Variants in PTPRG observed in about 807,000 individuals in gnomAD.
The protein encoded by PTPRG is protein tyrosine phosphatase receptor type G.
PTPRG carries 102 observed loss-of-function variants against 165.3 expected under a neutral mutation model. The ratio of observed to expected loss-of-function variants is 0.62; its 90% confidence interval spans 0.53 to 0.73. The LOEUF is 0.73. PTPRG is among the 30% of genes least tolerant of loss of function. The pLI, the probability that PTPRG is intolerant of heterozygous loss-of-function variation, is 0.00. For missense variants in PTPRG, 1,866 were observed against 1,861.4 expected (o/e 1.00, Z -0.05); for synonymous variants, 675 against 669.5 (o/e 1.01, Z -0.13).
intron 1 of PTPRG, among the ~76,000 whole-genome samples, chr3:61,741,791 T>C (rs767795208): frequency 6.6e-6 from 1 of 152,214 alleles, no homozygotes; most frequent in Admixed American, 6.5e-5. Flanking sequence ...TGTGGCCATG[T>C]ATCTTCTTTT....
At chr3:62,251,456 C>T (rs1701416783) in intron 15 of PTPRG, among the ~76,000 whole-genome samples, 1 of 152,066 alleles carries the variant, frequency 6.6e-6, no homozygotes, top group Non-Finnish European at 1.5e-5. Context: ...CAAGACCAGC[C>T]TGGGCAACAT....
chr3:61,768,835 C>T (rs2034117683), intron 2 of PTPRG, among the ~76,000 whole-genome samples: 1 of 152,190 alleles, frequency 6.6e-6, no homozygotes, highest in Non-Finnish European at 1.5e-5. Flanking sequence ...CCTGAGTTGG[C>T]TCAGTGTCTA....
intron 28 of PTPRG, among the ~76,000 whole-genome samples, chr3:62,284,913 C>T (rs1009364443): frequency 6.6e-6 from 1 of 152,130 alleles, no homozygotes; most frequent in Non-Finnish European, 1.5e-5. Context: ...GTACTTCCTG[C>T]ATGCCACCTT....
chr3:61,932,515 A>T (rs2039386410), intron 2 of PTPRG, among the ~76,000 whole-genome samples: 1 of 151,994 alleles, frequency 6.6e-6, no homozygotes, highest in Non-Finnish European at 1.5e-5. Context: ...GAATATAAAA[A>T]CCTCTAATAC....
chr3:61,919,837 C>T (rs886361418), intron 2 of PTPRG, among the ~76,000 whole-genome samples: 3 of 152,156 alleles, frequency 2.0e-5, no homozygotes, highest in African/African-American at 7.2e-5. Flanking sequence ...TCACCCTTAC[C>T]TCTGCAGCTA....
At chr3:61,596,761 G>A (rs1282151066) in intron 1 of PTPRG, among the ~76,000 whole-genome samples, 1 of 150,648 alleles carries the variant, frequency 6.6e-6, no homozygotes, top group African/African-American at 2.5e-5. Flanking sequence ...ATGAATATGA[G>A]TTTAGAGTCT....
At chr3:62,277,421 C>G (rs1702266395) in intron 25 of PTPRG, 130 bp from the exon 26 acceptor site, 1 of 1,051,034 alleles carries the variant, frequency 9.5e-7, no homozygotes, top group African/African-American at 1.6e-5. Context: ...GCCAAATGTA[C>G]CGAATGCCTT....
intron 3 of PTPRG, among the ~76,000 whole-genome samples, chr3:62,002,140 G>C (rs144774280): frequency 7.2e-5 from 11 of 152,304 alleles, no homozygotes; most frequent in Admixed American, 1.3e-4. Context: ...ATATGAGAAG[G>C]TTCCTTCACT....
intron 2 of PTPRG, among the ~76,000 whole-genome samples, chr3:61,964,437 A>C (rs187548894): frequency 6.6e-6 from 1 of 152,284 alleles, no homozygotes; most frequent in Admixed American, 6.5e-5. Context: ...TGGCATTGTC[A>C]CATGCATTTA....
chr3:61,858,122 G>T (rs760573014), intron 2 of PTPRG, among the ~76,000 whole-genome samples: 1 of 152,160 alleles, frequency 6.6e-6, no homozygotes, highest in Non-Finnish European at 1.5e-5. Context: ...TATTGTGGGC[G>T]TTGGAATAGT....
chr3:62,162,372 C>T lies in PTPRG; in HGVS notation c.840+5148C>T, dbSNP rs992490563. On this transcript the variant is annotated intron_variant, in intron 7 of 29. Transcript: ENST00000474889. ...AAGAAAGAAATGTTTTACACATTCA[C>T]TTCAAAAGTTTAAGAGTCAATTTAA... Among the ~76,000 whole-genome samples, 12 of 152,262 alleles carry T rather than the reference C, an allele frequency of 7.9e-5. No homozygotes were observed. The South Asian group carries it at 2.5e-3, about 32-fold the overall frequency.
rs745893766 is a variant in PTPRG at position 61,749,090 on chromosome 3, A to G, written c.190+108A>G. On this transcript the variant is annotated intron_variant, in intron 2 of 29. Transcript: ENST00000474889. ...TTTATGCCTGAGTTCTGTTTGCTCA[A>G]ATCTTTCGTAGTTCACTAAAAGTTG... 24 of 917,302 alleles carry G rather than the reference A, an allele frequency of 2.6e-5. 1 individual carries two copies. The highest frequency in any genetic ancestry group is 1.6e-4 in the East Asian group (6 of 38,326). 56.8% of individuals were successfully genotyped at this position (917,302 alleles called of 1,614,324 possible).
At chr3:62,123,078 A>T (rs1274100032) in intron 5 of PTPRG, among the ~76,000 whole-genome samples, 1 of 152,192 alleles carries the variant, frequency 6.6e-6, no homozygotes, top group East Asian at 1.9e-4. Flanking sequence ...AAAATAACAC[A>T]CATTTATCAT....
At chr3:62,070,948 G>GA (rs1243212491) in intron 4 of PTPRG, among the ~76,000 whole-genome samples, 2 of 145,590 alleles carry the variant, frequency 1.4e-5, no homozygotes, top group East Asian at 3.9e-4. Context: ...AAAAAAAAAA[G>GA]AAAAAAAAAG....
At chr3:62,102,621 A>T (rs1037817214) in intron 5 of PTPRG, among the ~76,000 whole-genome samples, 5 of 152,108 alleles carry the variant, frequency 3.3e-5, no homozygotes, top group Non-Finnish European at 1.5e-5. Context: ...GTCCATTTTG[A>T]GTGGGTATTT....
chr3:62,091,457 A>C (rs1701927086), intron 5 of PTPRG, among the ~76,000 whole-genome samples: 1 of 152,226 alleles, frequency 6.6e-6, no homozygotes. Flanking sequence ...GAGAGAGACA[A>C]GTAACACATT....
At chr3:61,755,204 C>T (rs559170833) in intron 2 of PTPRG, among the ~76,000 whole-genome samples, 1 of 152,244 alleles carries the variant, frequency 6.6e-6, no homozygotes, top group South Asian at 2.1e-4. Flanking sequence ...GTTGGGGTTT[C>T]GCCCTGTTAG....
chr3:61,637,887 C>G (rs933564631), intron 1 of PTPRG, among the ~76,000 whole-genome samples: 6 of 151,796 alleles, frequency 4.0e-5, no homozygotes, highest in Admixed American at 3.3e-4. Flanking sequence ...TGAGCATAGC[C>G]ATCTTACCAT....
intron 2 of PTPRG, among the ~76,000 whole-genome samples, chr3:61,945,335 G>T (rs1169620358): frequency 6.6e-6 from 1 of 151,954 alleles, no homozygotes; most frequent in African/African-American, 2.4e-5. Flanking sequence ...CAAGGTGGGC[G>T]GATCACCTGA....
Sources: allele counts gnomAD v4.1 joint callset (sites outside exome capture counted in the v4.1 genomes callset), GRCh38; gene constraint gnomAD v4.1.1; transcripts MANE v1.5; gene names NCBI Gene and HGNC (gene_info 2026-07-23, HGNC 2026-07-21).